The following DNAH12 variants were observed in gnomAD, a reference collection of about 807,000 sequenced individuals.
DNAH12 encodes dynein axonemal heavy chain 12, also known as axonemal beta dynein heavy chain 12.
A neutral mutation model predicts 371.5 loss-of-function variants in DNAH12; 285 were observed. That is an observed-to-expected ratio of 0.77 (90% CI 0.70 to 0.85). DNAH12 has a LOEUF of 0.85. Among genes scored for constraint, DNAH12 ranks in the 40% least tolerant of loss-of-function variants. DNAH12 has a pLI of 0.00. For missense variants in DNAH12, 3,611 were observed against 3,689.4 expected (o/e 0.98, Z 0.55); for synonymous variants, 1,200 against 1,213.0 (o/e 0.99, Z 0.22).
rs565308198 is a variant in DNAH12 at position 57,404,491 on chromosome 3, G to A, written c.6755+478C>T. ...AGCACTTTGGGAGGCCAAGGCAGGC[G>A]GATCACTTGAGGTCAGGAGTTCGAG... On this transcript the variant is annotated intron_variant, in intron 42 of 73. Transcript: ENST00000495027. Among the ~76,000 whole-genome samples the A allele has an allele frequency of 6.6e-5, 10 of 152,244 alleles. No homozygotes were observed. In the East Asian group the frequency reaches 7.7e-4, roughly 12 times the overall value.
chr3:57,430,964 A>G (rs942535067), intron 32 of DNAH12, among the ~76,000 whole-genome samples: 4 of 152,182 alleles, frequency 2.6e-5, no homozygotes, highest in African/African-American at 9.6e-5. Context: ...CAGTTCTTCA[A>G]CTGCACTAAT....
At chr3:57,466,102 T>C (rs1223754791) in intron 17 of DNAH12, among the ~76,000 whole-genome samples, 1 of 151,294 alleles carries the variant, frequency 6.6e-6, no homozygotes, top group African/African-American at 2.4e-5. Context: ...ACCAGATTAG[T>C]CATACATTAT....
intron 68 of DNAH12, 136 bp downstream of exon 68, chr3:57,309,530 C>T (rs994210908): frequency 1.9e-5 from 17 of 873,844 alleles, no homozygotes; most frequent in South Asian, 1.3e-4. Context: ...CACCATTTAA[C>T]GGATTTGGAG....
chr3:57,470,586 T>G lies in DNAH12; in HGVS notation c.1962A>C (p.Glu654Asp), dbSNP rs781722126. 1.3e-6 allele frequency: 2 copies of G among 1,545,992 alleles called. No homozygotes were observed. The highest frequency in any genetic ancestry group is 2.4e-5 in the South Asian group (2 of 82,046). ...QLQKRIQESEEAVQFINKEEE... is the reference protein window; with the variant it reads ...QLQKRIQESEDAVQFINKEEE... The stretch of plus-strand genomic sequence containing the variant: ...CTTCTTTATTAATAAACTGCACTGC[T>G]TCTTCAGATTCCTGAATACGTTTTT... Residue 654 changes from glutamate (E) to aspartate (D), a missense_variant, in exon 16 of 74, where the codon GAA (glutamate) becomes GAC (aspartate). Coordinates refer to ENST00000495027, the MANE Select transcript of DNAH12 (RefSeq NM_001366028.2).
chr3:57,400,099 G>A (rs1207721835), intron 43 of DNAH12, among the ~76,000 whole-genome samples: 1 of 152,082 alleles, frequency 6.6e-6, no homozygotes, highest in Non-Finnish European at 1.5e-5. Context: ...GACCAGACTG[G>A]CCAAATGGCG....
At chr3:57,299,838 T>C (rs1472655301) in intron 70 of DNAH12, among the ~76,000 whole-genome samples, 1 of 152,170 alleles carries the variant, frequency 6.6e-6, no homozygotes, top group Admixed American at 6.5e-5. Context: ...TCTAGTCTAT[T>C]TTGCTTTTTT....
rs2063693662 is a variant in DNAH12 at position 57,394,318 on chromosome 3, A to G, written c.6963T>C (p.Asn2321=). Reference sequence around the variant, plus strand: ...CGGTCTTCTGGCCCTTCATGCCCACATTCCTTAACAGACCCTTAAAATAAA... The same window carrying G: ...CGGTCTTCTGGCCCTTCATGCCCACGTTCCTTAACAGACCCTTAAAATAAA... ...WREDMKGLLR[N]VGMKGQKTVF... Residue 2321 remains asparagine (N), a synonymous_variant, in exon 44 of 74, where the codon AAT becomes AAC. Coordinates refer to ENST00000495027, the MANE Select transcript of DNAH12 (RefSeq NM_001366028.2). The G allele has an allele frequency of 6.6e-6, 1 of 152,226 alleles. No homozygotes were observed. The highest frequency in any genetic ancestry group is 2.4e-5 in the African/African-American group (1 of 41,450). The allele number at this position is 152,226 out of a possible 1,614,324, so 9.4% of individuals were successfully genotyped here. A position where few individuals can be genotyped will look rare whatever the true frequency, so the allele number is the denominator to read the frequency against.
intron 65 of DNAH12, 31 bp downstream of exon 65, chr3:57,322,312 C>T: frequency 2.0e-6 from 3 of 1,531,388 alleles, no homozygotes; most frequent in Admixed American, 2.1e-5. Context: ...CTATAAAACA[C>T]ATTTTAAAAG....
intron 39 of DNAH12, among the ~76,000 whole-genome samples, chr3:57,410,461 T>C (rs1267033238): frequency 3.3e-5 from 5 of 152,144 alleles, no homozygotes; most frequent in African/African-American, 7.2e-5. Context: ...CTGTTCCCCA[T>C]CTCTCTCCCT....
At chr3:57,350,281 T>C (rs2062640954) in intron 60 of DNAH12, among the ~76,000 whole-genome samples, 1 of 152,038 alleles carries the variant, frequency 6.6e-6, no homozygotes, top group African/African-American at 2.4e-5. Flanking sequence ...CAAAAACCAG[T>C]TGAGATAAAT....
Position 57,293,832 on chromosome 3 carries a change from A to T in DNAH12, c.11832T>A (p.Thr3944=). 1 of 1,551,328 alleles carries T rather than the reference A, an allele frequency of 6.4e-7. No homozygotes were observed. The highest frequency in any genetic ancestry group is 8.7e-7 in the Non-Finnish European group (1 of 1,146,870). Residue 3944 remains threonine (T), a synonymous_variant, in exon 74 of 74, where the codon ACT becomes ACA. Coordinates refer to ENST00000495027, the MANE Select transcript of DNAH12 (RefSeq NM_001366028.2). The part of the protein sequence containing the change: ...IAMLLKTDQP[T]RHWIKRGVAL... ...CAACCCCGCGCTTGATCCAGTGCCGAGTAGGTTGGTCTGTTTTTAACAACA... is the reference window on the plus strand; with the variant it reads ...CAACCCCGCGCTTGATCCAGTGCCGTGTAGGTTGGTCTGTTTTTAACAACA...
intron 32 of DNAH12, among the ~76,000 whole-genome samples, chr3:57,431,586 G>A (rs1277505473): frequency 2.0e-5 from 3 of 151,884 alleles, no homozygotes; most frequent in Non-Finnish European, 2.9e-5. Flanking sequence ...CTTTCATTAG[G>A]CAGCTTTTGT....
intron 43 of DNAH12, among the ~76,000 whole-genome samples, chr3:57,401,751 A>G (rs959446830): frequency 7.9e-5 from 12 of 151,766 alleles, no homozygotes; most frequent in Admixed American, 5.9e-4. Flanking sequence ...AATACAAAAA[A>G]AAAGAGAGAG....
chr3:57,390,297 C>T (rs1211657412), intron 45 of DNAH12, among the ~76,000 whole-genome samples: 1 of 139,214 alleles, frequency 7.2e-6, no homozygotes, highest in African/African-American at 2.6e-5. Flanking sequence ...CCTATAGTCC[C>T]AGCTACTCTG....
intron 2 of DNAH12, among the ~76,000 whole-genome samples, chr3:57,539,994 T>A (rs2069205928): frequency 6.6e-6 from 1 of 152,142 alleles, no homozygotes; most frequent in Non-Finnish European, 1.5e-5. Context: ...ATATTTACTA[T>A]CTGTTTCCTC....
At chr3:57,505,465 G>C (rs891339884) in intron 8 of DNAH12, among the ~76,000 whole-genome samples, 3 of 152,048 alleles carry the variant, frequency 2.0e-5, no homozygotes, top group Non-Finnish European at 4.4e-5. Flanking sequence ...TTTTGAGACA[G>C]AGTCTCACTC....
intron 43 of DNAH12, among the ~76,000 whole-genome samples, chr3:57,396,291 A>ACAC (rs1491585409): frequency 9.7e-5 from 1 of 10,344 alleles, no homozygotes; most frequent in African/African-American, 3.0e-4. Flanking sequence ...AAAAAAAAAC[A>ACAC]AAAAAAAAAA....
At chr3:57,368,813 A>G (rs1191049371) in intron 55 of DNAH12, among the ~76,000 whole-genome samples, 2 of 152,164 alleles carry the variant, frequency 1.3e-5, no homozygotes, top group African/African-American at 4.8e-5. Context: ...CATGGTTCAG[A>G]TGTGTAATAT....
At chr3:57,310,694 C>A in intron 67 of DNAH12, 23 bp downstream of exon 67, 1 of 1,490,718 alleles carries the variant, frequency 6.7e-7, no homozygotes, top group South Asian at 1.2e-5. Context: ...TTAATCTAAC[C>A]TTATTTTTGG....
Sources: allele counts gnomAD v4.1 joint callset (sites outside exome capture counted in the v4.1 genomes callset), GRCh38; gene constraint gnomAD v4.1.1; transcripts MANE v1.5; gene names NCBI Gene and HGNC (gene_info 2026-07-23, HGNC 2026-07-21).